The following AUH variants were observed in gnomAD, a reference collection of about 807,000 sequenced individuals.
AUH encodes the protein methylglutaconyl-CoA hydratase, mitochondrial.
Under a neutral mutation model 42.3 loss-of-function variants are expected in AUH, and 29 were observed. The observed-to-expected ratio is 0.69, with a 90% CI of 0.51 to 0.93. AUH has a LOEUF of 0.93. Ranked by LOEUF, AUH falls within the 40% of genes least tolerant of loss-of-function variation. The pLI, the probability that AUH is intolerant of heterozygous loss-of-function variation, is 0.00. For missense variants in AUH, 452 were observed against 438.1 expected (o/e 1.03, Z -0.28); for synonymous variants, 174 against 166.4 (o/e 1.05, Z -0.35).
At chr9:91,329,117 C>T (rs891596112) in intron 3 of AUH, among the ~76,000 whole-genome samples, 1 of 152,012 alleles carries the variant, frequency 6.6e-6, no homozygotes, top group Non-Finnish European at 1.5e-5. Context: ...AACATATAAA[C>T]GTTTTGCTTA....
chr9:91,359,608 T>C (rs1832696901), intron 1 of AUH, among the ~76,000 whole-genome samples: 1 of 152,174 alleles, frequency 6.6e-6, no homozygotes, highest in Admixed American at 6.5e-5. Flanking sequence ...AATTTGGTTA[T>C]AGAGCTATGC....
chr9:91,284,220 C>A (rs1202544105), intron 6 of AUH, among the ~76,000 whole-genome samples: 3 of 152,004 alleles, frequency 2.0e-5, no homozygotes, highest in Admixed American at 2.0e-4. Flanking sequence ...GGAAAGAATT[C>A]CCTATTTAAT....
chr9:91,247,519 G>A (rs1043396678), intron 6 of AUH, among the ~76,000 whole-genome samples: 3 of 152,004 alleles, frequency 2.0e-5, no homozygotes, highest in Non-Finnish European at 4.4e-5. Context: ...TGACACATGG[G>A]GCTCTGGCAC....
intron 4 of AUH, among the ~76,000 whole-genome samples, chr9:91,319,258 TAA>T (rs1408782062): frequency 5.3e-5 from 8 of 152,228 alleles, no homozygotes; most frequent in Non-Finnish European, 1.2e-4. Context: ...TTAAAACTTT[TAA>T]AAATCTTTTT....
intron 4 of AUH, among the ~76,000 whole-genome samples, chr9:91,307,518 A>G (rs1828322369): frequency 6.6e-6 from 1 of 152,206 alleles, no homozygotes; most frequent in Admixed American, 6.5e-5. Flanking sequence ...AACAACATAT[A>G]AGTTTTAAAT....
intron 3 of AUH, among the ~76,000 whole-genome samples, chr9:91,334,646 T>TA (rs1017228431): frequency 8.5e-5 from 13 of 152,358 alleles, no homozygotes; most frequent in African/African-American, 3.1e-4. Flanking sequence ...TTTCTATTGA[T>TA]ACTATTTATC....
At chr9:91,351,391 G>A (rs184961073) in intron 3 of AUH, among the ~76,000 whole-genome samples, 5 of 152,288 alleles carry the variant, frequency 3.3e-5, no homozygotes, top group African/African-American at 1.2e-4. Context: ...CACTTTATAA[G>A]TATCGTATTT....
chr9:91,316,618 G>C (rs993531025), intron 4 of AUH, among the ~76,000 whole-genome samples: 2 of 152,132 alleles, frequency 1.3e-5, no homozygotes, highest in African/African-American at 4.8e-5. Flanking sequence ...CTTAATTGCA[G>C]GTCTATGACT....
chr9:91,280,792 T>TA (rs981654234), intron 6 of AUH, among the ~76,000 whole-genome samples: 6 of 152,194 alleles, frequency 3.9e-5, no homozygotes, highest in African/African-American at 1.2e-4. Flanking sequence ...TTCAAAAACT[T>TA]AGTTTTACAT....
intron 6 of AUH, among the ~76,000 whole-genome samples, chr9:91,286,780 C>T (rs1826446547): frequency 6.6e-6 from 1 of 151,090 alleles, no homozygotes; most frequent in Non-Finnish European, 1.5e-5. Context: ...AACTACCTAT[C>T]GTGTTTGTAT....
intron 3 of AUH, chr9:91,343,108 T>A (rs967664555): frequency 6.6e-6 from 1 of 152,138 alleles, no homozygotes; most frequent in South Asian, 2.1e-4. Context: ...CAGTCAACAG[T>A]AGACTATTAG....
chr9:91,328,535 A>G (rs1830114308), intron 3 of AUH, among the ~76,000 whole-genome samples: 1 of 152,232 alleles, frequency 6.6e-6, no homozygotes, highest in South Asian at 2.1e-4. Flanking sequence ...AGCACGAAGC[A>G]GCAGCTCAGA....
chr9:91,340,141 CGCTATGACCA>C (rs1368098005), intron 3 of AUH, among the ~76,000 whole-genome samples: 4 of 152,188 alleles, frequency 2.6e-5, no homozygotes, highest in Admixed American at 2.0e-4. Flanking sequence ...AAGGCATTCA[CGCTATGACCA>C]GCAGGAATAG....
At chr9:91,260,379 T>C (rs932431261) in intron 6 of AUH, among the ~76,000 whole-genome samples, 3 of 151,900 alleles carry the variant, frequency 2.0e-5, no homozygotes, top group African/African-American at 7.2e-5. Context: ...TTTCCATTTT[T>C]ATCACCTGTT....
intron 6 of AUH, among the ~76,000 whole-genome samples, chr9:91,263,189 T>C (rs1445420179): frequency 6.6e-6 from 1 of 152,222 alleles, no homozygotes; most frequent in Non-Finnish European, 1.5e-5. Flanking sequence ...GAAAGGATTC[T>C]GAAGCCCCAT....
intron 4 of AUH, among the ~76,000 whole-genome samples, chr9:91,311,281 G>C (rs1040122754): frequency 2.0e-5 from 3 of 152,092 alleles, no homozygotes; most frequent in Admixed American, 6.5e-5. Flanking sequence ...TTAAATACAT[G>C]AATTTTGTCA....
intron 3 of AUH, among the ~76,000 whole-genome samples, chr9:91,343,686 T>G (rs1319156816): frequency 1.3e-5 from 2 of 152,124 alleles, no homozygotes; most frequent in Non-Finnish European, 2.9e-5. Flanking sequence ...GAGCTGAGAT[T>G]ACACTGCTGC....
intron 6 of AUH, among the ~76,000 whole-genome samples, chr9:91,242,691 A>G (rs777210757): frequency 3.9e-5 from 6 of 152,216 alleles, no homozygotes; most frequent in Non-Finnish European, 8.8e-5. Context: ...TAAAAACTGA[A>G]CTTTCATGTT....
intron 4 of AUH, among the ~76,000 whole-genome samples, chr9:91,320,564 G>T (rs908533635): frequency 6.6e-6 from 1 of 152,124 alleles, no homozygotes; most frequent in Non-Finnish European, 1.5e-5. Flanking sequence ...AATTTGTTCT[G>T]ACCACAAGGC....
Sources: gnomAD v4.1 joint callset for allele counts (sites outside exome capture counted in the v4.1 genomes callset) on GRCh38, gnomAD v4.1.1 for gene constraint, MANE v1.5 for transcripts, NCBI Gene and HGNC (gene_info 2026-07-23, HGNC 2026-07-21) for gene names.